CHD9: variants seen among roughly 807,000 people sequenced by gnomAD.
The protein encoded by CHD9 is ATP-dependent chromatin remodeler CHD9.
Under a neutral mutation model 316.1 loss-of-function variants are expected in CHD9, and 77 were observed. The ratio of observed to expected loss-of-function variants is 0.24; its 90% CI spans 0.20 to 0.29. CHD9 has a LOEUF of 0.29. Ranked by LOEUF, CHD9 falls within the 10% of genes least tolerant of loss-of-function variation. The probability of loss-of-function intolerance (pLI) is 1.00; values close to 1 mark genes in which losing one functional copy is unlikely to be tolerated. For missense variants in CHD9, 2,763 were observed against 3,438.1 expected (o/e 0.80, Z 4.91); for synonymous variants, 1,129 against 1,158.3 (o/e 0.97, Z 0.51).
At chr16:53,203,787 G>A (rs1233553757) in intron 2 of CHD9, among the ~76,000 whole-genome samples, 1 of 151,752 alleles carries the variant, frequency 6.6e-6, no homozygotes, top group Non-Finnish European at 1.5e-5. Context: ...ACTATGGGAG[G>A]CCAAGATGGG....
intron 1 of CHD9, among the ~76,000 whole-genome samples, chr16:53,097,918 G>A (rs9929795): frequency 2.4e-3 from 364 of 148,736 alleles, no homozygotes; most frequent in African/African-American, 8.0e-3. Flanking sequence ...TCAGGAGTTC[G>A]AGCCCAGCCT....
chr16:53,212,349 G>C (rs2046398251), intron 3 of CHD9, among the ~76,000 whole-genome samples: 1 of 151,372 alleles, frequency 6.6e-6, no homozygotes, highest in South Asian at 2.1e-4. Context: ...AGGTTGCAGT[G>C]AGCCGAGATT....
In CHD9 at chr16:53,110,885, G is replaced by A. The variant is rs79724839; in HGVS notation, c.-164-45041G>A. ...AGTGTGTGATCTCTGACATAAACAG[G>A]TAATCTGGGTGCAGCATGGAACATG... On this transcript the variant is annotated intron_variant, in intron 1 of 38. Coordinates refer to ENST00000447540, the MANE Select transcript of CHD9 (RefSeq NM_001308319.2). Among the ~76,000 whole-genome samples, 617 of 152,282 alleles carry A rather than the reference G, an allele frequency of 4.1e-3. 4 individuals carry two copies. The highest frequency in any genetic ancestry group is 0.01 in the Middle Eastern group (3 of 294).
chr16:53,093,002 C>A (rs2036081481), intron 1 of CHD9, among the ~76,000 whole-genome samples: 1 of 152,208 alleles, frequency 6.6e-6, no homozygotes, highest in Admixed American at 6.5e-5. Flanking sequence ...TGGTCTCAAA[C>A]TCCTGAGCGC....
At chr16:53,068,304 C>T (rs2033702057) in intron 1 of CHD9, among the ~76,000 whole-genome samples, 1 of 152,172 alleles carries the variant, frequency 6.6e-6, no homozygotes, top group Non-Finnish European at 1.5e-5. Flanking sequence ...CTGGATCTGA[C>T]TCCAGATCCA....
At chr16:53,201,219 G>A (rs1048236782) in intron 2 of CHD9, among the ~76,000 whole-genome samples, 3 of 152,168 alleles carry the variant, frequency 2.0e-5, no homozygotes, top group Admixed American at 2.0e-4. Flanking sequence ...GGTGAGGTTT[G>A]TGATTTGATG....
At chr16:53,210,960 A>G (rs1045555434) in intron 3 of CHD9, among the ~76,000 whole-genome samples, 35 of 151,954 alleles carry the variant, frequency 2.3e-4, no homozygotes, top group Admixed American at 2.0e-3. Context: ...TACTTCTTTT[A>G]TTGTTTTTTT....
rs541035771 is a variant in CHD9 at position 53,197,665 on chromosome 16, T to C, written c.1453-11817T>C. ...CTGCTACGTGAATATTCTAGCTTTTTTTTTTTTTTGAGATGGAGTCTCGCT... is the reference window on the plus strand; with the variant it reads ...CTGCTACGTGAATATTCTAGCTTTTCTTTTTTTTTGAGATGGAGTCTCGCT... On this transcript the variant is annotated intron_variant, in intron 2 of 38. Transcript: ENST00000447540. Among the ~76,000 whole-genome samples the C allele has an allele frequency of 3.3e-5, 5 of 151,894 alleles. No homozygotes were observed. In the East Asian group the frequency reaches 9.7e-4, roughly 29 times the overall value.
chr16:53,317,032 C>T (rs1363523490), intron 36 of CHD9, among the ~76,000 whole-genome samples: 1 of 151,896 alleles, frequency 6.6e-6, no homozygotes, highest in Admixed American at 6.6e-5. Context: ...CCCATCTCTA[C>T]TAAAAATACA....
chr16:53,077,022 C>G (rs1293034581), intron 1 of CHD9, among the ~76,000 whole-genome samples: 1 of 150,198 alleles, frequency 6.7e-6, no homozygotes, highest in Admixed American at 6.7e-5. Flanking sequence ...GAGTCTCACT[C>G]TGTTGCCCAG....
intron 1 of CHD9, among the ~76,000 whole-genome samples, chr16:53,087,809 A>G (rs2035588108): frequency 6.6e-6 from 1 of 152,056 alleles, no homozygotes; most frequent in South Asian, 2.1e-4. Flanking sequence ...TTAACCAGGC[A>G]TGGTCGTGGG....
intron 15 of CHD9, among the ~76,000 whole-genome samples, chr16:53,246,340 C>T (rs1286362820): frequency 6.6e-6 from 1 of 152,138 alleles, no homozygotes; most frequent in African/African-American, 2.4e-5. Context: ...CAACTGAAGT[C>T]TCTTGTAGTT....
chr16:53,163,795 T>A (rs181977482), intron 2 of CHD9, among the ~76,000 whole-genome samples: 1 of 152,314 alleles, frequency 6.6e-6, no homozygotes, highest in East Asian at 1.9e-4. Flanking sequence ...CTGTAATAAT[T>A]GAATTTAAAG....
At chr16:53,106,420 ACAC>A (rs1175808313) in intron 1 of CHD9, among the ~76,000 whole-genome samples, 1 of 152,182 alleles carries the variant, frequency 6.6e-6, no homozygotes, top group African/African-American at 2.4e-5. Flanking sequence ...AAAGGTATAA[ACAC>A]CACCAACAAA....
At chr16:53,126,034 G>T (rs1382930379) in intron 1 of CHD9, among the ~76,000 whole-genome samples, 1 of 152,146 alleles carries the variant, frequency 6.6e-6, no homozygotes, top group African/African-American at 2.4e-5. Flanking sequence ...GTGGTTTCTT[G>T]TATGAAAGTT....
chr16:53,073,345 G>C (rs1427640676), intron 1 of CHD9, among the ~76,000 whole-genome samples: 1 of 152,196 alleles, frequency 6.6e-6, no homozygotes, highest in Non-Finnish European at 1.5e-5. Flanking sequence ...CTATTCCACT[G>C]TATATGTTTA....
At chr16:53,157,678 T>C (rs938033728) in intron 2 of CHD9, 137 bp downstream of exon 2, 9 of 800,574 alleles carry the variant, frequency 1.1e-5, no homozygotes, top group Non-Finnish European at 1.6e-5. Flanking sequence ...TATTTTGATA[T>C]AGGTTTATAT....
intron 1 of CHD9, among the ~76,000 whole-genome samples, chr16:53,131,621 G>A (rs1239011456): frequency 1.3e-5 from 2 of 151,660 alleles, no homozygotes; most frequent in Non-Finnish European, 2.9e-5. Context: ...GCGTGGGAAG[G>A]CGGGCCCTCT....
intron 2 of CHD9, among the ~76,000 whole-genome samples, chr16:53,195,007 AATG>A (rs1428838072): frequency 6.6e-6 from 1 of 152,236 alleles, no homozygotes; most frequent in Non-Finnish European, 1.5e-5. Flanking sequence ...TACTCAGATT[AATG>A]ATAAGATTAC....
Sources: allele counts gnomAD v4.1 joint callset (sites outside exome capture counted in the v4.1 genomes callset), GRCh38; gene constraint gnomAD v4.1.1; transcripts MANE v1.5; gene names NCBI Gene and HGNC (gene_info 2026-07-23, HGNC 2026-07-21).